Variants in MACROD2 observed in about 807,000 individuals in gnomAD.
MACROD2 encodes ADP-ribose glycohydrolase MACROD2.
In MACROD2, 36 loss-of-function variants were observed where a neutral mutation model predicts 70.4. The observed-to-expected ratio is 0.51, with a 90% CI of 0.39 to 0.68. MACROD2 has a LOEUF of 0.68. Ranked by LOEUF, MACROD2 falls within the 30% of genes least tolerant of loss-of-function variation. MACROD2 has a pLI of 0.00. For synonymous variants in MACROD2, 172 were observed against 178.8 expected (o/e 0.96, Z 0.30); for missense variants, 496 against 538.4 (o/e 0.92, Z 0.78).
At chr20:14,419,054 T>G (rs6042722) in intron 3 of MACROD2, among the ~76,000 whole-genome samples, 23,934 of 142,692 alleles carry the variant, frequency 0.17, 2,071 homozygotes, top group East Asian at 0.29. Flanking sequence ...ATTTTTTTTG[T>G]TTTGTTTTTT....
intron 6 of MACROD2, among the ~76,000 whole-genome samples, chr20:15,345,155 C>T (rs922065808): frequency 2.7e-4 from 41 of 152,206 alleles, no homozygotes; most frequent in African/African-American, 8.2e-4. Context: ...TGATTACCGC[C>T]GAAAGGGCCC....
intron 8 of MACROD2, among the ~76,000 whole-genome samples, chr20:15,551,061 C>T (rs1313206912): frequency 6.6e-6 from 1 of 152,162 alleles, no homozygotes; most frequent in African/African-American, 2.4e-5. Flanking sequence ...ACTGAAATGT[C>T]CTATGTCCCC....
intron 8 of MACROD2, among the ~76,000 whole-genome samples, chr20:15,509,137 C>T (rs2047466176): frequency 6.6e-6 from 1 of 152,176 alleles, no homozygotes; most frequent in South Asian, 2.1e-4. Context: ...TTACATCCTT[C>T]AGATGTGTTG....
chr20:15,558,321 C>T (rs2048196251), intron 8 of MACROD2, among the ~76,000 whole-genome samples: 1 of 152,242 alleles, frequency 6.6e-6, no homozygotes, highest in East Asian at 1.9e-4. Flanking sequence ...GCCAAACTTT[C>T]AATCTGTGGC....
intron 5 of MACROD2, among the ~76,000 whole-genome samples, chr20:14,948,959 G>C (rs757899451): frequency 3.9e-5 from 6 of 152,240 alleles, no homozygotes; most frequent in African/African-American, 9.6e-5. Flanking sequence ...GTCCTTACAC[G>C]TATATGAGTA....
chr20:15,519,908 A>G (rs1355190689), intron 8 of MACROD2, among the ~76,000 whole-genome samples: 1 of 152,234 alleles, frequency 6.6e-6, no homozygotes, highest in Non-Finnish European at 1.5e-5. Context: ...CTGAACCTCT[A>G]TAGCTGATTG....
At chr20:14,762,580 G>A (rs1052311076) in intron 5 of MACROD2, among the ~76,000 whole-genome samples, 18 of 152,176 alleles carry the variant, frequency 1.2e-4, no homozygotes, top group East Asian at 3.9e-4. Context: ...GGTAAACTCC[G>A]CAAAAGTTCC....
intron 8 of MACROD2, among the ~76,000 whole-genome samples, chr20:15,645,535 A>C (rs6110701): frequency 0.092 from 14,034 of 152,208 alleles, 933 homozygotes; most frequent in East Asian, 0.19. Flanking sequence ...GCATGTGAGC[A>C]CTCCACTCTG....
At chr20:15,337,538 G>A (rs2078061663) in intron 6 of MACROD2, among the ~76,000 whole-genome samples, 1 of 151,700 alleles carries the variant, frequency 6.6e-6, no homozygotes. Context: ...ATGATGTCTT[G>A]AAATATCTTT....
chr20:14,086,202 T>C lies in MACROD2; in HGVS notation c.271+474T>C, dbSNP rs114420533. On this transcript the variant is annotated intron_variant, in intron 3 of 17. Transcript: ENST00000684519. Reference sequence around the variant, plus strand: ...ACTTAAGTTGTTAGGGTTCCAGTTTTCATTTTCATTATGAAATGCTTAATT... The same window carrying C: ...ACTTAAGTTGTTAGGGTTCCAGTTTCCATTTTCATTATGAAATGCTTAATT... 3.4e-3 allele frequency: 1,314 copies of C among 387,908 alleles called. 14 individuals carry two copies. The highest frequency in any genetic ancestry group is 0.025 in the African/African-American group (1,215 of 48,114). The allele number at this position is 387,908 out of a possible 1,614,324, so 24.0% of individuals were successfully genotyped here.
intron 2 of MACROD2, among the ~76,000 whole-genome samples, chr20:14,084,061 C>CAA (rs1211049702): frequency 0.29 from 17,537 of 59,506 alleles, 6,700 homozygotes; most frequent in Middle Eastern, 0.44. Flanking sequence ...GACTCCGTCT[C>CAA]AAAAAAAAAC....
At chr20:14,489,478 G>A (rs952139176) in intron 3 of MACROD2, among the ~76,000 whole-genome samples, 2 of 152,170 alleles carry the variant, frequency 1.3e-5, no homozygotes, top group Non-Finnish European at 2.9e-5. Flanking sequence ...CTGAAAGGTG[G>A]TATTTCAGCT....
chr20:14,270,776 C>T (rs932526594), intron 3 of MACROD2, among the ~76,000 whole-genome samples: 4 of 152,098 alleles, frequency 2.6e-5, no homozygotes, highest in Non-Finnish European at 4.4e-5. Context: ...GTGAGTGACG[C>T]AGAAGACGGG....
chr20:15,860,316 G>A (rs1476155001), intron 8 of MACROD2, among the ~76,000 whole-genome samples: 3 of 152,168 alleles, frequency 2.0e-5, no homozygotes, highest in Admixed American at 6.5e-5. Flanking sequence ...GAAATGTGTA[G>A]GAATGACACT....
At chr20:14,297,391 G>A (rs1255833442) in intron 3 of MACROD2, among the ~76,000 whole-genome samples, 1 of 151,970 alleles carries the variant, frequency 6.6e-6, no homozygotes, top group Non-Finnish European at 1.5e-5. Flanking sequence ...AGTTAGCCAA[G>A]TTGGGAATGC....
chr20:14,737,892 A>G (rs928084361), intron 5 of MACROD2, among the ~76,000 whole-genome samples: 1 of 152,162 alleles, frequency 6.6e-6, no homozygotes, highest in Non-Finnish European at 1.5e-5. Context: ...GCTAGGAAAA[A>G]AGTTTCTTTG....
chr20:15,949,041 T>G (rs1364035691), intron 12 of MACROD2, among the ~76,000 whole-genome samples: 5 of 152,208 alleles, frequency 3.3e-5, no homozygotes. Context: ...GTGGCCTTGT[T>G]TTTGAATTCC....
rs565847537 is a variant in MACROD2 at position 15,817,609 on chromosome 20, T to G, written c.646-45136T>G. On this transcript the variant is annotated intron_variant, in intron 8 of 17. Coordinates refer to ENST00000684519, the MANE Select transcript of MACROD2 (RefSeq NM_001351661.2). ...TATCTTACTAAGTTCTGTTAATTTTTCTTTCCTAATGCCTCTCACAACTGT... is the reference window on the plus strand; with the variant it reads ...TATCTTACTAAGTTCTGTTAATTTTGCTTTCCTAATGCCTCTCACAACTGT... Among the ~76,000 whole-genome samples the G allele has an allele frequency of 6.2e-4, 95 of 152,342 alleles. 1 individual carries two copies. The highest frequency in any genetic ancestry group is 2.2e-3 in the African/African-American group (92 of 41,592).
intron 5 of MACROD2, among the ~76,000 whole-genome samples, chr20:15,096,869 T>G (rs1476554662): frequency 6.9e-6 from 1 of 144,260 alleles, no homozygotes; most frequent in Non-Finnish European, 1.5e-5. Flanking sequence ...TAGAGTGCAG[T>G]GGCGTGATCT....
Sources: allele counts gnomAD v4.1 joint callset (sites outside exome capture counted in the v4.1 genomes callset), GRCh38; gene constraint gnomAD v4.1.1; transcripts MANE v1.5; gene names NCBI Gene and HGNC (gene_info 2026-07-23, HGNC 2026-07-21).